SNX29: variants seen among roughly 807,000 people sequenced by gnomAD.
The protein encoded by SNX29 is sorting nexin 29.
Under a neutral mutation model 102.1 loss-of-function variants are expected in SNX29, and 78 were observed. The ratio of observed to expected loss-of-function variants is 0.76; its 90% CI spans 0.64 to 0.92. SNX29 has a LOEUF of 0.92. Among genes scored for constraint, SNX29 ranks in the 40% least tolerant of loss-of-function variants. The pLI, the probability that SNX29 is intolerant of heterozygous loss-of-function variation, is 0.00. For missense variants in SNX29, 1,280 were observed against 1,061.7 expected (o/e 1.21, Z -2.86); for synonymous variants, 580 against 414.5 (o/e 1.40, Z -4.85).
At chr16:12,121,868 G>C (rs531256570) in intron 11 of SNX29, among the ~76,000 whole-genome samples, 1 of 152,144 alleles carries the variant, frequency 6.6e-6, no homozygotes, top group Non-Finnish European at 1.5e-5. Flanking sequence ...GCGCGATCTT[G>C]GCTCACTGCA....
At chr16:12,241,303 C>T (rs77681021) in intron 14 of SNX29, among the ~76,000 whole-genome samples, 4,780 of 152,160 alleles carry the variant, frequency 0.031, 260 homozygotes, top group East Asian at 0.29. Flanking sequence ...AAAATTGAAG[C>T]AAGAAGCCCT....
intron 15 of SNX29, among the ~76,000 whole-genome samples, chr16:12,353,903 G>T (rs957037485): frequency 1.3e-5 from 2 of 152,226 alleles, no homozygotes; most frequent in African/African-American, 4.8e-5. Flanking sequence ...GCTTGGAGGA[G>T]AATGGATTGG....
chr16:12,546,146 C>T (rs559276685), intron 20 of SNX29: 1 of 152,194 alleles, frequency 6.6e-6, no homozygotes, highest in African/African-American at 2.4e-5. Flanking sequence ...GAGCTAATAA[C>T]CTCCACCTGG....
intron 3 of SNX29, among the ~76,000 whole-genome samples, chr16:12,014,694 T>A: frequency 6.9e-6 from 1 of 144,874 alleles, no homozygotes; most frequent in Non-Finnish European, 1.5e-5. Flanking sequence ...ATCATGCCAT[T>A]GTACTCCAGC....
At chr16:12,496,577 C>G (rs373175422) in intron 19 of SNX29, among the ~76,000 whole-genome samples, 15 of 143,376 alleles carry the variant, frequency 1.0e-4, no homozygotes, top group African/African-American at 4.0e-4. Flanking sequence ...GTGGTGCAAT[C>G]TGAGTTCACT....
chr16:12,261,905 C>G (rs2078782116), intron 14 of SNX29, among the ~76,000 whole-genome samples: 1 of 145,340 alleles, frequency 6.9e-6, no homozygotes, highest in African/African-American at 2.6e-5. Flanking sequence ...TGCATGCGTC[C>G]CCGGCTGGAG....
intron 14 of SNX29, among the ~76,000 whole-genome samples, chr16:12,273,599 C>G (rs2079156884): frequency 6.6e-6 from 1 of 152,182 alleles, no homozygotes; most frequent in South Asian, 2.1e-4. Context: ...CTCAGGTGAT[C>G]TGCCCACCTC....
At chr16:12,035,961 G>A (rs547830593) in intron 4 of SNX29, among the ~76,000 whole-genome samples, 12 of 152,308 alleles carry the variant, frequency 7.9e-5, no homozygotes, top group East Asian at 7.7e-4. Context: ...CTGGGACAGC[G>A]AGTTCAAAAG....
chr16:12,459,333 C>G (rs1274920158), intron 18 of SNX29, among the ~76,000 whole-genome samples: 1 of 151,884 alleles, frequency 6.6e-6, no homozygotes, highest in Non-Finnish European at 1.5e-5. Flanking sequence ...ATACAGGCTC[C>G]TGATGGGCCT....
At chr16:12,186,875 T>C (rs1178488060) in intron 13 of SNX29, among the ~76,000 whole-genome samples, 2 of 152,218 alleles carry the variant, frequency 1.3e-5, no homozygotes, top group South Asian at 2.1e-4. Flanking sequence ...AGAGACACTA[T>C]AGCAAGTAGA....
chr16:12,129,579 A>C (rs2054364142), intron 12 of SNX29, 51 bp from the exon 13 acceptor site: 1 of 1,559,146 alleles, frequency 6.4e-7, no homozygotes, highest in East Asian at 2.3e-5. Flanking sequence ...TCCTGGGCTC[A>C]GTGGGGTCTG....
intron 14 of SNX29, among the ~76,000 whole-genome samples, chr16:12,240,203 G>T (rs1413492892): frequency 1.3e-5 from 2 of 152,194 alleles, no homozygotes; most frequent in African/African-American, 4.8e-5. Flanking sequence ...TTTAGTGTAG[G>T]ATTCTGATTA....
chr16:12,116,626 A>G (rs1282936653), intron 11 of SNX29, among the ~76,000 whole-genome samples: 1 of 152,158 alleles, frequency 6.6e-6, no homozygotes, highest in Non-Finnish European at 1.5e-5. Context: ...GTGAGCCAGG[A>G]TCACGCCACC....
intron 18 of SNX29, among the ~76,000 whole-genome samples, chr16:12,448,659 A>C (rs1246086934): frequency 6.6e-6 from 1 of 152,138 alleles, no homozygotes; most frequent in African/African-American, 2.4e-5. Context: ...GTTGGCTGGA[A>C]AAGCCTGACT....
intron 16 of SNX29, among the ~76,000 whole-genome samples, chr16:12,392,125 CTTTGT>C (rs2083552114): frequency 6.6e-6 from 1 of 152,186 alleles, no homozygotes; most frequent in South Asian, 2.1e-4. Flanking sequence ...TCACCTGACA[CTTTGT>C]TTTGTGTCTA....
chr16:12,570,192 A>C lies in SNX29; in HGVS notation c.*1563A>C, dbSNP rs1048559517. 8.5e-6 allele frequency: 9 copies of C among 1,064,442 alleles called. No homozygotes were observed. The East Asian group carries it at 4.0e-4, about 47-fold the overall frequency. 65.9% of individuals were successfully genotyped at this position (1,064,442 alleles called of 1,614,324 possible). On this transcript the variant is annotated 3_prime_UTR_variant, in exon 21 of 21. Transcript: ENST00000566228. The stretch of plus-strand genomic sequence containing the variant: ...CCCCAGAGAAACCGAGTCAGCCTAC[A>C]TGACTTCCAAGGGGACCTGGGGCCA...
chr16:11,993,670 C>T (rs2055944322), intron 1 of SNX29, among the ~76,000 whole-genome samples: 1 of 152,046 alleles, frequency 6.6e-6, no homozygotes, highest in South Asian at 2.1e-4. Flanking sequence ...GGATTCTAAC[C>T]CACACTATCC....
intron 16 of SNX29, among the ~76,000 whole-genome samples, chr16:12,383,584 C>G (rs558329040): frequency 1.3e-5 from 2 of 151,752 alleles, no homozygotes; most frequent in African/African-American, 4.8e-5. Context: ...TTACAGGCGC[C>G]CACCACCACG....
chr16:12,554,251 C>G (rs1032071689), intron 20 of SNX29, among the ~76,000 whole-genome samples: 3 of 152,246 alleles, frequency 2.0e-5, no homozygotes, highest in Non-Finnish European at 4.4e-5. Context: ...GCTGCATCGT[C>G]TCTGCCTTTT....
Sources: gnomAD v4.1 joint callset for allele counts (sites outside exome capture counted in the v4.1 genomes callset) on GRCh38, gnomAD v4.1.1 for gene constraint, MANE v1.5 for transcripts, NCBI Gene and HGNC (gene_info 2026-07-23, HGNC 2026-07-21) for gene names.